MEOX2: variants seen among roughly 807,000 people sequenced by gnomAD.
MEOX2 encodes the protein mesenchyme homeobox 2.
Under a neutral mutation model 27.0 loss-of-function variants are expected in MEOX2, and 11 were observed. The observed-to-expected ratio is 0.41, with a 90% confidence interval of 0.26 to 0.68. MEOX2 has a LOEUF of 0.68. Ranked by LOEUF, MEOX2 falls within the 30% of genes least tolerant of loss-of-function variation. MEOX2 has a pLI of 0.33. For missense variants in MEOX2, 436 were observed against 385.4 expected (o/e 1.13, Z -1.10); for synonymous variants, 189 against 155.4 (o/e 1.22, Z -1.61).
chr7:15,649,429 A>T (rs1416933884), intron 1 of MEOX2, among the ~76,000 whole-genome samples: 1 of 152,086 alleles, frequency 6.6e-6, no homozygotes, highest in Non-Finnish European at 1.5e-5. Flanking sequence ...GCATCTATGG[A>T]TGATGAAAGA....
chr7:15,648,323 A>G (rs1427049202), intron 1 of MEOX2, among the ~76,000 whole-genome samples: 1 of 152,130 alleles, frequency 6.6e-6, no homozygotes, highest in African/African-American at 2.4e-5. Context: ...ATCGTAATAA[A>G]CGAGATTGCT....
At chr7:15,627,897 T>C (rs868263656) in intron 1 of MEOX2, among the ~76,000 whole-genome samples, 1 of 151,694 alleles carries the variant, frequency 6.6e-6, no homozygotes, top group Non-Finnish European at 1.5e-5. Context: ...AATATCAACA[T>C]AATCAAGAAA....
chr7:15,667,195 G>A (rs368450247), intron 1 of MEOX2, among the ~76,000 whole-genome samples: 23 of 147,536 alleles, frequency 1.6e-4, no homozygotes, highest in South Asian at 1.1e-3. Context: ...GGAAGCTGAG[G>A]CAAGAGGATT....
At chr7:15,643,161 C>T (rs558902419) in intron 1 of MEOX2, among the ~76,000 whole-genome samples, 1 of 152,188 alleles carries the variant, frequency 6.6e-6, no homozygotes, top group African/African-American at 2.4e-5. Context: ...GTTTGACCTC[C>T]CAGCCAGTAG....
At chr7:15,664,304 T>C (rs564065199) in intron 1 of MEOX2, among the ~76,000 whole-genome samples, 1 of 152,354 alleles carries the variant, frequency 6.6e-6, no homozygotes, top group South Asian at 2.1e-4. Context: ...TTGATCTTTC[T>C]AGTTGTTGTG....
intron 1 of MEOX2, among the ~76,000 whole-genome samples, chr7:15,630,390 T>C (rs1452586254): frequency 6.6e-6 from 1 of 152,106 alleles, no homozygotes; most frequent in East Asian, 1.9e-4. Context: ...AGACAAGTAA[T>C]GGGAGGGCTT....
chr7:15,614,558 C>G (rs566539560), intron 2 of MEOX2, among the ~76,000 whole-genome samples: 49 of 152,154 alleles, frequency 3.2e-4, no homozygotes, highest in African/African-American at 1.1e-3. Flanking sequence ...TTAAATAACC[C>G]AGCTTTTTTC....
At chr7:15,635,218 T>C (rs1246201470) in intron 1 of MEOX2, among the ~76,000 whole-genome samples, 1 of 152,004 alleles carries the variant, frequency 6.6e-6, no homozygotes, top group Non-Finnish European at 1.5e-5. Context: ...AGTCACAGAA[T>C]GTTCCTAGGC....
At chr7:15,648,066 G>T (rs1374742893) in intron 1 of MEOX2, among the ~76,000 whole-genome samples, 1 of 151,972 alleles carries the variant, frequency 6.6e-6, no homozygotes, top group Non-Finnish European at 1.5e-5. Context: ...GCTAGAGATA[G>T]TCCCATAGCA....
intron 2 of MEOX2, among the ~76,000 whole-genome samples, chr7:15,617,173 G>C (rs1361375512): frequency 1.3e-5 from 2 of 151,940 alleles, no homozygotes; most frequent in Admixed American, 1.3e-4. Context: ...TCAAACATCT[G>C]GATGAAAACT....
intron 1 of MEOX2, among the ~76,000 whole-genome samples, chr7:15,664,434 A>G (rs1010579747): frequency 2.6e-5 from 4 of 152,160 alleles, no homozygotes; most frequent in Non-Finnish European, 4.4e-5. Flanking sequence ...GAGGTAAACA[A>G]CAATGAGTCA....
chr7:15,638,019 A>C (rs1173602186), intron 1 of MEOX2, among the ~76,000 whole-genome samples: 1 of 152,112 alleles, frequency 6.6e-6, no homozygotes, highest in African/African-American at 2.4e-5. Flanking sequence ...ATTAGTTTAC[A>C]TATTTCATTT....
intron 1 of MEOX2, among the ~76,000 whole-genome samples, chr7:15,640,195 CTTAG>C (rs1452689585): frequency 2.0e-5 from 3 of 151,626 alleles, no homozygotes; most frequent in African/African-American, 7.3e-5. Context: ...CTTTCACCTC[CTTAG>C]TTAGGTCTGT....
chr7:15,613,444 G>T (rs1460629936), intron 2 of MEOX2, among the ~76,000 whole-genome samples: 2 of 151,190 alleles, frequency 1.3e-5, no homozygotes, highest in Non-Finnish European at 2.9e-5. Flanking sequence ...ATCAGAACTA[G>T]AATATAATTG....
chr7:15,657,816 T>C (rs540341406), intron 1 of MEOX2, among the ~76,000 whole-genome samples: 1 of 152,226 alleles, frequency 6.6e-6, no homozygotes, highest in East Asian at 1.9e-4. Flanking sequence ...TTTAGTATTA[T>C]GTATGGTACT....
chr7:15,686,112 C>T lies in MEOX2; in HGVS notation c.291G>A (p.Met97Ile), dbSNP rs1192688588. 2 of 1,582,812 alleles carry T rather than the reference C, an allele frequency of 1.3e-6. No homozygotes were observed. Among genetic ancestry groups the T allele is most frequent in the African/African-American group, 2.7e-5 (2 of 74,032 alleles). Residue 97 changes from methionine (M) to isoleucine (I), a missense_variant, in exon 1 of 3, where the codon ATG (methionine) becomes ATA (isoleucine). Coordinates refer to ENST00000262041, the MANE Select transcript of MEOX2 (RefSeq NM_005924.5). ...GCCGAGCCGCACTCGGTGGGGAAGA[C>T]ATCTGCGGGAGGTGCCAGTTGGTTT... ...ALQTNWHLPQ[M>I]SSPPSAARHS...
At chr7:15,632,018 T>C (rs1400035944) in intron 1 of MEOX2, among the ~76,000 whole-genome samples, 1 of 151,426 alleles carries the variant, frequency 6.6e-6, no homozygotes, top group Admixed American at 6.6e-5. Flanking sequence ...GGATATGGAT[T>C]TGAAAAATTT....
chr7:15,642,470 T>A (rs1374886799), intron 1 of MEOX2, among the ~76,000 whole-genome samples: 3 of 152,186 alleles, frequency 2.0e-5, no homozygotes, highest in Admixed American at 6.5e-5. Context: ...AAGTTTCTAT[T>A]TTGCTTTTCT....
Position 15,686,119 on chromosome 7 carries a change from G to T in MEOX2, c.284C>A (p.Pro95Gln). Residue 95 changes from proline (P) to glutamine (Q), a missense_variant, in exon 1 of 3, where the codon CCG (proline) becomes CAG (glutamine). Coordinates refer to ENST00000262041, the MANE Select transcript of MEOX2 (RefSeq NM_005924.5). ...HQALQTNWHL[P>Q]QMSSPPSAAR... is the part of the protein sequence containing the mutation. ...CGCACTCGGTGGGGAAGACATCTGC[G>T]GGAGGTGCCAGTTGGTTTGCAGAGC... 1 of 1,582,806 alleles carries T rather than the reference G, an allele frequency of 6.3e-7. No individual in the cohort carries two copies. Among genetic ancestry groups the T allele is most frequent in the East Asian group, 2.3e-5 (1 of 42,828 alleles).
Sources: gnomAD v4.1 joint callset for allele counts (sites outside exome capture counted in the v4.1 genomes callset) on GRCh38, gnomAD v4.1.1 for gene constraint, MANE v1.5 for transcripts, NCBI Gene and HGNC (gene_info 2026-07-23, HGNC 2026-07-21) for gene names.